The following PCDH9 variants were observed in gnomAD, a reference collection of about 807,000 sequenced individuals.
The protein encoded by PCDH9 is protocadherin 9, also known as protocadherin-9.
Under a neutral mutation model 70.6 loss-of-function variants are expected in PCDH9, and 24 were observed. The observed-to-expected ratio is 0.34, with a 90% CI of 0.25 to 0.48. The LOEUF is 0.48. PCDH9 is among the 20% of genes least tolerant of loss of function. The probability of loss-of-function intolerance (pLI) is 0.99; values close to 1 mark genes in which losing one functional copy is unlikely to be tolerated. For synonymous variants in PCDH9, 562 were observed against 558.5 expected, an observed-to-expected ratio of 1.01 and a Z score of -0.09; for missense variants, 1,281 against 1,503.6, an observed-to-expected ratio of 0.85 and a Z score of 2.45.
chr13:67,133,327 AAAG>A (rs575080503), intron 2 of PCDH9, among the ~76,000 whole-genome samples: 1 of 152,134 alleles, frequency 6.6e-6, no homozygotes, highest in Non-Finnish European at 1.5e-5. Flanking sequence ...TAAAAATAAC[AAAG>A]AAGATTTTAG....
chr13:66,748,557 A>C (rs920709496), intron 3 of PCDH9, among the ~76,000 whole-genome samples: 3 of 152,170 alleles, frequency 2.0e-5, no homozygotes, highest in Non-Finnish European at 4.4e-5. Flanking sequence ...AATTTTAGCC[A>C]CTGTGTCTCT....
At chr13:66,985,197 C>A (rs911187081) in intron 2 of PCDH9, among the ~76,000 whole-genome samples, 1 of 152,038 alleles carries the variant, frequency 6.6e-6, no homozygotes, top group Non-Finnish European at 1.5e-5. Context: ...TTCTTTTATG[C>A]TCAACCTTGA....
Position 66,383,400 on chromosome 13 carries a change from C to T in PCDH9, c.3341-78372G>A, listed in dbSNP as rs575692425. Among the ~76,000 whole-genome samples, 7 of 152,234 alleles carry T rather than the reference C, an allele frequency of 4.6e-5. No individual in the cohort carries two copies. In the South Asian group the frequency reaches 1.5e-3, roughly 32 times the overall value. ...ATGTTTCATTCAAAATGCTCAGAAA[C>T]GTATCTCCTCCTGGGGAAGGTACAA... On this transcript the variant is annotated intron_variant, in intron 4 of 4. Coordinates refer to ENST00000377865, the MANE Select transcript of PCDH9 (RefSeq NM_203487.3).
chr13:67,069,701 T>C (rs920539080), intron 2 of PCDH9, among the ~76,000 whole-genome samples: 44 of 152,154 alleles, frequency 2.9e-4, no homozygotes, highest in African/African-American at 1.0e-3. Flanking sequence ...TATTTCTTTA[T>C]GGTAAAGAAA....
chr13:66,918,016 G>A (rs2082583080), intron 2 of PCDH9, among the ~76,000 whole-genome samples: 1 of 151,270 alleles, frequency 6.6e-6, no homozygotes, highest in African/African-American at 2.4e-5. Flanking sequence ...GGTTATGTTC[G>A]AGGATGATTG....
intron 2 of PCDH9, chr13:67,206,341 T>A (rs957779870): frequency 1.3e-5 from 2 of 152,026 alleles, no homozygotes; most frequent in Non-Finnish European, 2.9e-5. Context: ...AATTTTTGTA[T>A]TTTTAGTAGA....
At chr13:66,637,125 G>A (rs1002861912) in intron 3 of PCDH9, among the ~76,000 whole-genome samples, 4 of 151,864 alleles carry the variant, frequency 2.6e-5, no homozygotes, top group African/African-American at 4.8e-5. Context: ...TCCTCAATAC[G>A]GTCTTACCAT....
At chr13:66,595,913 G>A (rs967002420) in intron 4 of PCDH9, among the ~76,000 whole-genome samples, 1 of 151,512 alleles carries the variant, frequency 6.6e-6, no homozygotes, top group Non-Finnish European at 1.5e-5. Context: ...CAAAATAAAC[G>A]TAAAATTTAG....
At chr13:66,824,664 ATATATAT>A (rs2080780481) in intron 3 of PCDH9, among the ~76,000 whole-genome samples, 1 of 40,114 alleles carries the variant, frequency 2.5e-5, no homozygotes, top group Non-Finnish European at 6.2e-5. Flanking sequence ...ATATATATAT[ATATATAT>A]ATATATATAT....
intron 3 of PCDH9, among the ~76,000 whole-genome samples, chr13:66,660,013 T>A (rs537237984): frequency 6.6e-6 from 1 of 152,318 alleles, no homozygotes; most frequent in South Asian, 2.1e-4. Flanking sequence ...GTCTTTCCAA[T>A]GTTTGGAGCT....
At chr13:66,795,669 G>A (rs1281826844) in intron 3 of PCDH9, among the ~76,000 whole-genome samples, 12 of 152,078 alleles carry the variant, frequency 7.9e-5, no homozygotes, top group African/African-American at 2.9e-4. Context: ...AAAAGGGAGG[G>A]TGTTCTGTTT....
At chr13:66,971,691 A>G (rs1267648709) in intron 2 of PCDH9, among the ~76,000 whole-genome samples, 4 of 152,034 alleles carry the variant, frequency 2.6e-5, no homozygotes, top group African/African-American at 9.7e-5. Flanking sequence ...TCCATCCTTC[A>G]GAGGTATCCT....
At chr13:66,712,424 T>C (rs2078806842) in intron 3 of PCDH9, among the ~76,000 whole-genome samples, 2 of 152,186 alleles carry the variant, frequency 1.3e-5, no homozygotes, top group Non-Finnish European at 2.9e-5. Flanking sequence ...ATTTAGAGTA[T>C]TTATTTTCCA....
chr13:66,773,604 TG>T, intron 3 of PCDH9, among the ~76,000 whole-genome samples: 1 of 149,962 alleles, frequency 6.7e-6, no homozygotes, highest in East Asian at 2.0e-4. Context: ...CACTCCAGCC[TG>T]GGCGACAGAG....
intron 4 of PCDH9, among the ~76,000 whole-genome samples, chr13:66,309,040 T>C (rs1402766850): frequency 6.6e-6 from 1 of 152,132 alleles, no homozygotes; most frequent in East Asian, 1.9e-4. Context: ...TTTTTAATTT[T>C]TGTAGTTACA....
chr13:66,357,952 A>T (rs35045836), intron 4 of PCDH9, among the ~76,000 whole-genome samples: 142,309 of 151,844 alleles, frequency 0.94, 67,375 homozygotes, highest in East Asian at 1. Context: ...AGCGCACAGA[A>T]TTTTAATTCT....
At chr13:66,423,010 C>A (rs1957596698) in intron 4 of PCDH9, among the ~76,000 whole-genome samples, 1 of 151,974 alleles carries the variant, frequency 6.6e-6, no homozygotes. Context: ...AAACTACCAT[C>A]AAAAAATACT....
chr13:66,337,393 C>T (rs1387024331), intron 4 of PCDH9, among the ~76,000 whole-genome samples: 7 of 152,000 alleles, frequency 4.6e-5, no homozygotes, highest in Non-Finnish European at 8.8e-5. Flanking sequence ...AAGTGATTCA[C>T]CCAAAAGACC....
At position 67,120,927 on chromosome 13, in the gene PCDH9, C is replaced by G. The variant is rs200325001; in HGVS notation, c.3036+104478G>C. Reference sequence around the variant, plus strand: ...AGGAAGTCACTTGGGCCACGACAGACAGAAAAAAAAAAAACTAAAAACATT... The same window carrying G: ...AGGAAGTCACTTGGGCCACGACAGAGAGAAAAAAAAAAAACTAAAAACATT... On this transcript the variant is annotated intron_variant, in intron 2 of 4. Transcript: ENST00000377865. Among the ~76,000 whole-genome samples, 6 of 148,078 alleles carry G rather than the reference C, an allele frequency of 4.1e-5. No homozygotes were observed. In the East Asian group the frequency reaches 1.2e-3, roughly 29 times the overall value.
Sources: gnomAD v4.1 joint callset for allele counts (sites outside exome capture counted in the v4.1 genomes callset) on GRCh38, gnomAD v4.1.1 for gene constraint, MANE v1.5 for transcripts, NCBI Gene and HGNC (gene_info 2026-07-23, HGNC 2026-07-21) for gene names.